Variants in KIAA0930 observed in about 807,000 individuals in gnomAD.
KIAA0930 encodes the protein KIAA0930, also known as uncharacterized protein KIAA0930.
In KIAA0930, 24 loss-of-function variants were observed where a neutral mutation model predicts 43.9. That is an observed-to-expected ratio of 0.55 (90% CI 0.40 to 0.77). The LOEUF (loss-of-function observed/expected upper bound fraction) is 0.77, where lower values mean the gene tolerates loss of function less well. Among genes scored for constraint, KIAA0930 ranks in the 30% least tolerant of loss-of-function variants. The pLI is 0.00. For missense variants in KIAA0930, 461 were observed against 574.2 expected, an observed-to-expected ratio of 0.80 and a Z score of 2.02; for synonymous variants, 259 against 216.4, an observed-to-expected ratio of 1.20 and a Z score of -1.73.
At chr22:45,208,089 C>T (rs919056913) in intron 2 of KIAA0930, among the ~76,000 whole-genome samples, 5 of 152,246 alleles carry the variant, frequency 3.3e-5, no homozygotes, top group South Asian at 2.1e-4. Context: ...TGTCCGTGTG[C>T]GCACCAAAGC....
chr22:45,214,236 A>C (rs1211369385), intron 1 of KIAA0930, among the ~76,000 whole-genome samples: 1 of 152,208 alleles, frequency 6.6e-6, no homozygotes, highest in Non-Finnish European at 1.5e-5. Context: ...TCACAGAGTT[A>C]TACATATACT....
chr22:45,204,494 G>A (rs1458695048), intron 5 of KIAA0930, among the ~76,000 whole-genome samples: 6 of 152,166 alleles, frequency 3.9e-5, no homozygotes, highest in African/African-American at 4.8e-5. Flanking sequence ...AGACTTAGAC[G>A]CAAATCTCAG....
rs1479724636 is a variant in KIAA0930 at position 45,193,533 on chromosome 22, G to C, written c.*3643C>G. On this transcript the variant is annotated 3_prime_UTR_variant, in exon 10 of 10. Coordinates refer to ENST00000336156, the MANE Select transcript of KIAA0930 (RefSeq NM_001009880.2). ...TGGTTTGAGTGCAGGTACATTCTTT[G>C]GGGGAGGGCACCTCAGGAACATGCA... is the stretch of plus-strand genomic sequence containing the variant. 1 of 152,140 alleles carries C rather than the reference G, an allele frequency of 6.6e-6. No homozygotes were observed. The highest frequency in any genetic ancestry group is 1.5e-5 in the Non-Finnish European group (1 of 68,018). The allele number at this position is 152,140 out of a possible 1,614,324, so 9.4% of individuals were successfully genotyped here.
At chr22:45,232,751 C>G (rs890304265) in intron 1 of KIAA0930, among the ~76,000 whole-genome samples, 2 of 152,162 alleles carry the variant, frequency 1.3e-5, no homozygotes, top group African/African-American at 4.8e-5. Context: ...CAGGAGAATG[C>G]CCATCCTGCA....
At chr22:45,235,660 T>C (rs184933778) in intron 1 of KIAA0930, among the ~76,000 whole-genome samples, 1 of 152,054 alleles carries the variant, frequency 6.6e-6, no homozygotes, top group African/African-American at 2.4e-5. Context: ...GTATCCTGGA[T>C]AATAACAGCA....
chr22:45,230,696 C>G (rs1458949812), intron 1 of KIAA0930, among the ~76,000 whole-genome samples: 1 of 151,788 alleles, frequency 6.6e-6, no homozygotes, highest in Non-Finnish European at 1.5e-5. Context: ...ATTCTCCTGC[C>G]TCAGCCTCTT....
chr22:45,228,181 C>T (rs556638834), intron 1 of KIAA0930, among the ~76,000 whole-genome samples: 86 of 152,118 alleles, frequency 5.7e-4, no homozygotes, highest in Non-Finnish European at 1.0e-3. Context: ...TGATTCTTCT[C>T]GCTTGTCTTG....
chr22:45,229,126 CCA>C (rs1444374902), intron 1 of KIAA0930, among the ~76,000 whole-genome samples: 3 of 68,516 alleles, frequency 4.4e-5, no homozygotes, highest in Non-Finnish European at 3.0e-5. Context: ...TCTCCACCCC[CCA>C]ACCACCAAAC....
chr22:45,193,325 G>A lies in KIAA0930; in HGVS notation c.*3851C>T, dbSNP rs187175405. ...GCAGATGTTTCGTATGTCTTTAAAG[G>A]ATTTTGGCCAACAACTTAAAACCAC... On this transcript the variant is annotated 3_prime_UTR_variant, in exon 10 of 10. Transcript: ENST00000336156. 6.6e-6 allele frequency: 1 copy of A among 152,126 alleles called. No individual in the cohort carries two copies. Among genetic ancestry groups the A allele is most frequent in the Middle Eastern group, 3.2e-3 (1 of 316 alleles). The allele number at this position is 152,126 out of a possible 1,614,324, so 9.4% of individuals were successfully genotyped here.
intron 1 of KIAA0930, among the ~76,000 whole-genome samples, chr22:45,218,475 C>T (rs968634822): frequency 1.3e-5 from 2 of 151,252 alleles, no homozygotes; most frequent in South Asian, 2.1e-4. Context: ...TGAGCCACTA[C>T]GCTCGGCCAC....
intron 9 of KIAA0930, 22 bp from the exon 10 acceptor site, chr22:45,197,238 C>T: frequency 6.5e-7 from 1 of 1,547,496 alleles, no homozygotes. Context: ...AGGAGGGAAG[C>T]AGGTGAAACA....
At chr22:45,202,872 C>T (rs535576293) in intron 7 of KIAA0930, 118 bp downstream of exon 7, 28 of 836,850 alleles carry the variant, frequency 3.3e-5, no homozygotes, top group African/African-American at 2.9e-4. Context: ...CCTCGGCCTG[C>T]GCACTGGTGG....
intron 1 of KIAA0930, chr22:45,226,056 T>A (rs2083797802): frequency 1.4e-5 from 5 of 350,216 alleles, no homozygotes; most frequent in Non-Finnish European, 2.3e-5. Context: ...CAGGGCAGTA[T>A]CCACCACAGA....
chr22:45,211,622 C>T (rs1386426062), intron 2 of KIAA0930, among the ~76,000 whole-genome samples: 6 of 152,136 alleles, frequency 3.9e-5, no homozygotes, highest in Non-Finnish European at 7.3e-5. Context: ...CTCTGGAGTC[C>T]GACCTTTGCT....
chr22:45,217,826 A>C (rs2083743035), intron 1 of KIAA0930, among the ~76,000 whole-genome samples: 1 of 150,860 alleles, frequency 6.6e-6, no homozygotes, highest in Admixed American at 6.6e-5. Flanking sequence ...ATTTGCCAGG[A>C]GTTCTGGTGA....
intron 2 of KIAA0930, among the ~76,000 whole-genome samples, chr22:45,208,929 G>A (rs974957795): frequency 2.0e-5 from 3 of 152,198 alleles, no homozygotes; most frequent in Admixed American, 6.5e-5. Flanking sequence ...GGCCACCAGC[G>A]CAGAGCCAGC....
intron 1 of KIAA0930, chr22:45,226,038 G>A (rs372560887): frequency 1.5e-4 from 44 of 294,448 alleles, no homozygotes; most frequent in South Asian, 5.6e-5. Flanking sequence ...GGCGTCCGGG[G>A]CCCAGCGCAG....
At chr22:45,236,687 C>T (rs552849044) in intron 1 of KIAA0930, among the ~76,000 whole-genome samples, 24 of 152,286 alleles carry the variant, frequency 1.6e-4, no homozygotes, top group African/African-American at 5.3e-4. Context: ...CAGCAAGATT[C>T]GGCCACTTCC....
chr22:45,192,572 T>A lies in KIAA0930; in HGVS notation c.*4604A>T, dbSNP rs899111551. The A allele has an allele frequency of 2.6e-5, 4 of 152,234 alleles. No homozygotes were observed. The highest frequency in any genetic ancestry group is 5.9e-5 in the Non-Finnish European group (4 of 68,046). The allele number at this position is 152,234 out of a possible 1,614,324, so 9.4% of individuals were successfully genotyped here. A position where few individuals can be genotyped will look rare whatever the true frequency, so the allele number is the denominator to read the frequency against. On this transcript the variant is annotated 3_prime_UTR_variant, in exon 10 of 10. Transcript: ENST00000336156. ...TAATTCATTTGGAAACCATAAAAGA[T>A]ACCTATTTACACCTAAACTGCCTGG... is the stretch of plus-strand genomic sequence containing the variant.
Sources: gnomAD v4.1 joint callset for allele counts (sites outside exome capture counted in the v4.1 genomes callset) on GRCh38, gnomAD v4.1.1 for gene constraint, MANE v1.5 for transcripts, NCBI Gene and HGNC (gene_info 2026-07-23, HGNC 2026-07-21) for gene names.